CALN1: variants seen among roughly 807,000 people sequenced by gnomAD.
CALN1 encodes the protein calcium-binding protein 8.
CALN1 carries 17 observed loss-of-function variants against 30.6 expected under a neutral mutation model. The observed-to-expected ratio is 0.56, with a 90% CI of 0.38 to 0.83. CALN1 has a LOEUF of 0.83. Among genes scored for constraint, CALN1 ranks in the 40% least tolerant of loss-of-function variants. CALN1 has a pLI of 0.00. For missense variants in CALN1, 291 were observed against 354.9 expected, an observed-to-expected ratio of 0.82 and a Z score of 1.45; for synonymous variants, 156 against 131.4, an observed-to-expected ratio of 1.19 and a Z score of -1.28.
At chr7:72,491,522 T>C in the CALN1 span, among the ~76,000 whole-genome samples, 2 of 152,124 alleles carry the variant, frequency 1.3e-5, no homozygotes, top group African/African-American at 2.4e-5. Flanking sequence ...TGAGCTATGA[T>C]TGCACTACTG....
chr7:72,322,928 T>C (rs949095288), intron 2 of CALN1, among the ~76,000 whole-genome samples: 1 of 149,552 alleles, frequency 6.7e-6, no homozygotes, highest in African/African-American at 2.5e-5. Flanking sequence ...TATAAATATG[T>C]ACCCACAAAA....
chr7:72,245,268 G>A (rs370927709), intron 3 of CALN1, among the ~76,000 whole-genome samples: 4 of 152,266 alleles, frequency 2.6e-5, no homozygotes, highest in South Asian at 2.1e-4. Flanking sequence ...CACCAGTAAC[G>A]TGCTGACTTT....
At chr7:71,915,335 T>C (rs545270355) in intron 5 of CALN1, among the ~76,000 whole-genome samples, 64 of 152,340 alleles carry the variant, frequency 4.2e-4, no homozygotes, top group African/African-American at 1.3e-3. Flanking sequence ...ATTAAGTTTT[T>C]GACAACCCCT....
chr7:72,444,409 C>T (rs1404544049), intron 1 of CALN1, among the ~76,000 whole-genome samples: 4 of 152,146 alleles, frequency 2.6e-5, no homozygotes, highest in Admixed American at 6.5e-5. Context: ...ATCTAACTGG[C>T]TCAGCTGTAT....
intron 2 of CALN1, among the ~76,000 whole-genome samples, chr7:72,375,056 G>A (rs558811284): frequency 2.6e-5 from 4 of 152,084 alleles, no homozygotes; most frequent in African/African-American, 9.7e-5. Context: ...TGGAAAAAAA[G>A]ATTGTCTTTA....
chr7:72,410,199 G>A (rs555884424), intron 1 of CALN1, among the ~76,000 whole-genome samples: 1 of 152,254 alleles, frequency 6.6e-6, no homozygotes, highest in South Asian at 2.1e-4. Flanking sequence ...ATGAGAGCCT[G>A]GAGCTCTTAA....
the CALN1 span, among the ~76,000 whole-genome samples, chr7:72,478,715 T>C: frequency 6.6e-6 from 1 of 152,028 alleles, no homozygotes; most frequent in East Asian, 1.9e-4. Flanking sequence ...AGAAATGAAC[T>C]GTGAGTGTAT....
rs777220852 is a variant in CALN1 at position 71,787,840 on chromosome 7, T to C, written c.721A>G (p.Met241Val). 1.6e-5 allele frequency: 26 copies of C among 1,614,012 alleles called. No homozygotes were observed. The highest frequency in any genetic ancestry group is 1.7e-5 in the Non-Finnish European group (20 of 1,180,040). Residue 241 changes from methionine (M) to valine (V), a missense_variant, in exon 7 of 7, where the codon ATG becomes GTG. Transcript: ENST00000395275. ...VRKSLICAFA[M>V]AFIISVMLIA... ...AGCATGACACTGATGATGAAGGCCA[T>C]AGCAAAGGCGCATATGAGGCTCTTC...
intron 2 of CALN1, 126 bp downstream of exon 2, chr7:72,403,125 A>G (rs1806451847): frequency 4.6e-6 from 3 of 653,136 alleles, no homozygotes; most frequent in Admixed American, 2.9e-5. Flanking sequence ...CCAGGTGTCC[A>G]TTTCATAGAT....
intron 5 of CALN1, among the ~76,000 whole-genome samples, chr7:71,810,942 C>A (rs12699097): frequency 0.036 from 5,399 of 148,772 alleles, 139 homozygotes; most frequent in Non-Finnish European, 0.061. Flanking sequence ...TTCGCCCAGG[C>A]TGGAGTGCAG....
chr7:72,071,608 C>A, intron 4 of CALN1, among the ~76,000 whole-genome samples: 1 of 152,124 alleles, frequency 6.6e-6, no homozygotes, highest in South Asian at 2.1e-4. Flanking sequence ...CAGCCTATGA[C>A]AATTAAAAAA....
intron 1 of CALN1, among the ~76,000 whole-genome samples, chr7:72,427,691 A>G (rs1398567219): frequency 6.7e-6 from 1 of 149,928 alleles, no homozygotes; most frequent in African/African-American, 2.5e-5. Context: ...TTTTGTAGAG[A>G]CAGAGTCTTG....
chr7:72,110,927 G>A (rs1016757857), intron 3 of CALN1, among the ~76,000 whole-genome samples: 1 of 152,070 alleles, frequency 6.6e-6, no homozygotes, highest in Non-Finnish European at 1.5e-5. Flanking sequence ...CTAGGAGGAC[G>A]GCTCCCAGCA....
chr7:71,825,819 G>A (rs1435440231), intron 5 of CALN1, among the ~76,000 whole-genome samples: 3 of 151,924 alleles, frequency 2.0e-5, no homozygotes, highest in Non-Finnish European at 4.4e-5. Context: ...GTTCACTCGA[G>A]GTCAGGAGTT....
At chr7:72,110,704 A>G (rs1807510862) in intron 3 of CALN1, among the ~76,000 whole-genome samples, 1 of 151,768 alleles carries the variant, frequency 6.6e-6, no homozygotes. Context: ...AAAATACAAA[A>G]CTAGAAATCC....
chr7:71,998,526 G>C (rs1799364559), intron 5 of CALN1, among the ~76,000 whole-genome samples: 1 of 151,902 alleles, frequency 6.6e-6, no homozygotes, highest in East Asian at 1.9e-4. Flanking sequence ...TACCAGTAAA[G>C]TCTGATGTCA....
chr7:72,047,591 TAAGA>T (rs1802553535), intron 4 of CALN1, among the ~76,000 whole-genome samples: 1 of 151,920 alleles, frequency 6.6e-6, no homozygotes, highest in Admixed American at 6.6e-5. Context: ...CTTGTCTCAA[TAAGA>T]TAAAATAGAA....
At chr7:72,500,888 T>C in the CALN1 span, among the ~76,000 whole-genome samples, 180 of 152,208 alleles carry the variant, frequency 1.2e-3, 2 homozygotes, top group Middle Eastern at 6.8e-3. Flanking sequence ...ATATGAATAA[T>C]GTATAAGAAT....
In CALN1 at chr7:72,278,760, T is replaced by C. The variant is rs1458798686; in HGVS notation, c.170A>G (p.Asn57Ser). 3 of 1,613,970 alleles carry C rather than the reference T, an allele frequency of 1.9e-6. No individual in the cohort carries two copies. Among genetic ancestry groups the C allele is most frequent in the Non-Finnish European group, 1.7e-6 (2 of 1,179,990 alleles). Residue 57 changes from asparagine (N) to serine (S), a missense_variant, in exon 3 of 7, where the codon AAT becomes AGT. Coordinates refer to ENST00000395275, the MANE Select transcript of CALN1 (RefSeq NM_031468.4). ...HVTAGLLYKG[N>S]YLNRSLSAGS... is the part of the protein sequence containing the mutation. Reference sequence around the variant, plus strand: ...AGCAGAGAGCGATCGGTTGAGGTAATTCCCCTTGTACAACAAGCCGGCGGT... The same window carrying C: ...AGCAGAGAGCGATCGGTTGAGGTAACTCCCCTTGTACAACAAGCCGGCGGT...
Sources: gnomAD v4.1 joint callset for allele counts (sites outside exome capture counted in the v4.1 genomes callset) on GRCh38, gnomAD v4.1.1 for gene constraint, MANE v1.5 for transcripts, NCBI Gene and HGNC (gene_info 2026-07-23, HGNC 2026-07-21) for gene names.